Variants in LTBP1 observed in about 807,000 individuals in gnomAD.
LTBP1 encodes latent-transforming growth factor beta-binding protein 1.
In LTBP1, 129 loss-of-function variants were observed where a neutral mutation model predicts 207.6. The observed-to-expected ratio is 0.62, with a 90% CI of 0.54 to 0.72. The LOEUF (loss-of-function observed/expected upper bound fraction) is 0.72. Ranked by LOEUF, LTBP1 falls within the 30% of genes least tolerant of loss-of-function variation. LTBP1 has a pLI of 0.00. For synonymous variants in LTBP1, 963 were observed against 833.7 expected (o/e 1.16, Z -2.67); for missense variants, 2,281 against 2,217.2 (o/e 1.03, Z -0.58).
intron 2 of LTBP1, among the ~76,000 whole-genome samples, chr2:32,992,188 C>T (rs1037453334): frequency 6.6e-6 from 1 of 152,132 alleles, no homozygotes; most frequent in African/African-American, 2.4e-5. Context: ...TGACTTGGTT[C>T]CTGCCATCCA....
chr2:33,248,451 G>A (rs2092577909), intron 10 of LTBP1, among the ~76,000 whole-genome samples: 1 of 152,188 alleles, frequency 6.6e-6, no homozygotes, highest in Non-Finnish European at 1.5e-5. Context: ...AAATGGAAAA[G>A]TCTGAAATGC....
At chr2:33,100,655 C>T (rs548601165) in intron 3 of LTBP1, among the ~76,000 whole-genome samples, 2 of 152,236 alleles carry the variant, frequency 1.3e-5, no homozygotes, top group African/African-American at 4.8e-5. Context: ...AACTTTTCAT[C>T]ACCCCAAGGA....
rs1029610539 is a variant in LTBP1 at position 33,263,708 on chromosome 2, CT to C, written c.2617+319del. 6.6e-5 allele frequency among the ~76,000 whole-genome samples: 10 copies of C among 152,184 alleles called. 1 individual carries two copies. The highest frequency in any genetic ancestry group is 2.2e-4 in the African/African-American group (9 of 41,530). Reference sequence around the variant, plus strand: ...GTGGCTCATGCCTATAATCCCAGCACTTTGGGAGGCCAAGGCAGGCAGATCA... The same window carrying C: ...GTGGCTCATGCCTATAATCCCAGCACTTGGGAGGCCAAGGCAGGCAGATCA... On this transcript the variant is annotated intron_variant, in intron 15 of 33. Coordinates refer to ENST00000404816, the MANE Select transcript of LTBP1 (RefSeq NM_206943.4).
At chr2:33,027,851 A>G (rs1301281982) in intron 3 of LTBP1, among the ~76,000 whole-genome samples, 1 of 152,202 alleles carries the variant, frequency 6.6e-6, no homozygotes, top group Non-Finnish European at 1.5e-5. Flanking sequence ...AAAGAAAAAG[A>G]AATTCTACAA....
At chr2:32,978,262 A>G (rs554268408) in intron 2 of LTBP1, among the ~76,000 whole-genome samples, 1 of 152,200 alleles carries the variant, frequency 6.6e-6, no homozygotes, top group Admixed American at 6.5e-5. Flanking sequence ...GTTAAATAAC[A>G]GTATAAAAGT....
chr2:33,262,681 C>T (rs2093050889), intron 13 of LTBP1, 41 bp from the exon 14 acceptor site: 2 of 967,948 alleles, frequency 2.1e-6, no homozygotes, highest in Non-Finnish European at 1.5e-6. Context: ...ACTTTCAATT[C>T]TTTTTTTTTT....
intron 10 of LTBP1, among the ~76,000 whole-genome samples, chr2:33,249,651 G>C (rs1369675728): frequency 6.6e-6 from 1 of 152,076 alleles, no homozygotes; most frequent in African/African-American, 2.4e-5. Context: ...GTAGCCAAGA[G>C]CAAAAAAATT....
intron 2 of LTBP1, among the ~76,000 whole-genome samples, chr2:32,985,405 G>A (rs1247568481): frequency 6.6e-6 from 1 of 152,156 alleles, no homozygotes; most frequent in African/African-American, 2.4e-5. Context: ...GGTTTAGAGA[G>A]GATAAATTCT....
chr2:33,357,166 G>A (rs1424978402), intron 26 of LTBP1, among the ~76,000 whole-genome samples: 1 of 152,156 alleles, frequency 6.6e-6, no homozygotes, highest in Non-Finnish European at 1.5e-5. Context: ...ACTAAAGATG[G>A]AAACGGCCCT....
At position 33,227,875 on chromosome 2, in the gene LTBP1, GCTCA is replaced by G. The variant is rs1376910883; in HGVS notation, c.1876+5727_1876+5730del. Among the ~76,000 whole-genome samples, 7 of 133,940 alleles carry G rather than the reference GCTCA, an allele frequency of 5.2e-5. No homozygotes were observed. In the East Asian group the frequency reaches 1.6e-3, roughly 31 times the overall value. The allele number at this position is 133,940 out of a possible 152,430, so 87.9% of individuals were successfully genotyped here. A position where few individuals can be genotyped will look rare whatever the true frequency, so the allele number is the denominator to read the frequency against. ...GCTGGAGTGCAGTGGCATAATCTTG[GCTCA>G]CTGCAGCCTCTGCCTCCCAGATTCA... On this transcript the variant is annotated intron_variant, in intron 9 of 33. Coordinates refer to ENST00000404816, the MANE Select transcript of LTBP1 (RefSeq NM_206943.4).
intron 26 of LTBP1, among the ~76,000 whole-genome samples, chr2:33,359,284 A>C (rs1315973602): frequency 6.6e-6 from 1 of 152,214 alleles, no homozygotes; most frequent in Admixed American, 6.5e-5. Context: ...TTTTAATGCC[A>C]GAAGAGGAAA....
chr2:33,195,734 C>T (rs1443722275), intron 7 of LTBP1, among the ~76,000 whole-genome samples: 4 of 152,198 alleles, frequency 2.6e-5, no homozygotes, highest in Non-Finnish European at 4.4e-5. Context: ...AGGACTGACT[C>T]ATTTTGAAAG....
intron 23 of LTBP1, among the ~76,000 whole-genome samples, chr2:33,313,652 G>C (rs1251140684): frequency 1.3e-5 from 2 of 152,182 alleles, no homozygotes; most frequent in East Asian, 3.8e-4. Flanking sequence ...CCTGAATGCT[G>C]CTGCTAAGGA....
rs566623303 is a variant in LTBP1 at position 33,043,315 on chromosome 2, A to AT, written c.863+22121dup. On this transcript the variant is annotated intron_variant, in intron 3 of 33. Coordinates refer to ENST00000404816, the MANE Select transcript of LTBP1 (RefSeq NM_206943.4). ...ATGAGTCTATAATAATTGGTCAAGAATTTTTTTTTTTTACTTATTAAAAGA... is the reference window on the plus strand; with the variant it reads ...ATGAGTCTATAATAATTGGTCAAGAATTTTTTTTTTTTTACTTATTAAAAGA... Among the ~76,000 whole-genome samples, 1,418 of 148,216 alleles carry AT rather than the reference A, an allele frequency of 9.6e-3. 13 individuals are homozygous for AT. The highest frequency in any genetic ancestry group is 0.013 in the Admixed American group (187 of 14,864).
chr2:33,248,517 C>T (rs890528160), intron 10 of LTBP1, among the ~76,000 whole-genome samples: 1 of 151,830 alleles, frequency 6.6e-6, no homozygotes, highest in African/African-American at 2.4e-5. Flanking sequence ...TCACCTGCCA[C>T]ACTATAGAAT....
At position 32,947,810 on chromosome 2, in the gene LTBP1, G is replaced by A. The variant is rs1406450844; in HGVS notation, c.486G>A (p.Gln162=). 5 of 1,448,046 alleles carry A rather than the reference G, an allele frequency of 3.5e-6. No homozygotes were observed. The African/African-American group carries it at 7.3e-5, about 21-fold the overall frequency. 89.7% of individuals were successfully genotyped at this position (1,448,046 alleles called of 1,614,324 possible). A position where few individuals can be genotyped will look rare whatever the true frequency, so the allele number is the denominator to read the frequency against. Residue 162 remains glutamine, a synonymous_variant, in exon 1 of 34, where the codon CAG becomes CAA. Coordinates refer to ENST00000404816, the MANE Select transcript of LTBP1 (RefSeq NM_206943.4). ...GGCTGCAGGTTCACCAGAAGCAGCA[G>A]CTGCAGGGGTAAGCCCACACCCCCT... ...GSRLQVHQKQ[Q]LQGVNVCGGR...
At chr2:33,125,074 T>A (rs1347405652) in intron 4 of LTBP1, among the ~76,000 whole-genome samples, 2 of 152,238 alleles carry the variant, frequency 1.3e-5, no homozygotes. Context: ...AGGTGCTCAA[T>A]CTATGCTTGT....
chr2:33,224,582 T>C (rs2091326505), intron 9 of LTBP1, among the ~76,000 whole-genome samples: 1 of 152,208 alleles, frequency 6.6e-6, no homozygotes, highest in East Asian at 1.9e-4. Flanking sequence ...TTTTAGAAAG[T>C]GTTTCGGTTA....
At chr2:33,108,688 T>C (rs139785947) in intron 3 of LTBP1, among the ~76,000 whole-genome samples, 1 of 152,244 alleles carries the variant, frequency 6.6e-6, no homozygotes, top group African/African-American at 2.4e-5. Flanking sequence ...GAATAGGAGC[T>C]AGCCTGTACA....
Sources: gnomAD v4.1 joint callset for allele counts (sites outside exome capture counted in the v4.1 genomes callset) on GRCh38, gnomAD v4.1.1 for gene constraint, MANE v1.5 for transcripts, NCBI Gene and HGNC (gene_info 2026-07-23, HGNC 2026-07-21) for gene names.